Variants in C12orf42 observed in about 807,000 individuals in gnomAD.
C12orf42 encodes the protein chromosome 12 open reading frame 42.
In C12orf42, 25 loss-of-function variants were observed where a neutral mutation model predicts 21.6. The ratio of observed to expected loss-of-function variants is 1.16; its 90% confidence interval spans 0.84 to 1.62. The LOEUF is 1.62. C12orf42 is among the 40% of genes most tolerant of loss of function. The probability of loss-of-function intolerance (pLI) is 0.00; values close to 1 mark genes in which losing one functional copy is unlikely to be tolerated. For missense variants in C12orf42, 483 were observed against 459.3 expected (o/e 1.05, Z -0.47); for synonymous variants, 174 against 175.0 (o/e 0.99, Z 0.05).
chr12:103,188,692 C>A, the C12orf42 span, among the ~76,000 whole-genome samples: 81 of 152,104 alleles, frequency 5.3e-4, no homozygotes, highest in Non-Finnish European at 1.1e-3. Context: ...CTGGCACCTC[C>A]CCACCTCTCT....
chr12:103,376,971 G>A (rs900568098), intron 3 of C12orf42, among the ~76,000 whole-genome samples: 1 of 150,984 alleles, frequency 6.6e-6, no homozygotes, highest in African/African-American at 2.4e-5. Flanking sequence ...TACTTTCTAA[G>A]GGCTTCCTTT....
chr12:103,304,038 C>T (rs2038020190), intron 5 of C12orf42, among the ~76,000 whole-genome samples: 1 of 152,118 alleles, frequency 6.6e-6, no homozygotes, highest in African/African-American at 2.4e-5. Context: ...TAGAAATTTC[C>T]TTCCCTGAAA....
At chr12:103,077,397 G>A in the C12orf42 span, among the ~76,000 whole-genome samples, 1 of 152,218 alleles carries the variant, frequency 6.6e-6, no homozygotes, top group African/African-American at 2.4e-5. Context: ...TGAACTTAAT[G>A]TATGCCAGGC....
the C12orf42 span, among the ~76,000 whole-genome samples, chr12:103,166,353 T>C: frequency 1.3e-5 from 2 of 152,216 alleles, no homozygotes; most frequent in Non-Finnish European, 2.9e-5. Context: ...AAAAGTTAGC[T>C]ATTATTGTTA....
chr12:103,491,619 A>T (rs1955192571), intron 1 of C12orf42, among the ~76,000 whole-genome samples: 1 of 152,196 alleles, frequency 6.6e-6, no homozygotes, highest in South Asian at 2.1e-4. Context: ...CCTTGTTTCT[A>T]CATGGCAATC....
At chr12:103,178,178 C>A in the C12orf42 span, 2 of 152,162 alleles carry the variant, frequency 1.3e-5, no homozygotes, top group Non-Finnish European at 2.9e-5. Context: ...GCTGAAGATG[C>A]AGTATCTGCC....
chr12:103,187,019 A>G, the C12orf42 span, among the ~76,000 whole-genome samples: 1 of 152,190 alleles, frequency 6.6e-6, no homozygotes, highest in Non-Finnish European at 1.5e-5. Flanking sequence ...ACAATAAAAC[A>G]TTACATACTA....
At chr12:103,391,611 T>A (rs2047085231) in intron 3 of C12orf42, among the ~76,000 whole-genome samples, 1 of 151,926 alleles carries the variant, frequency 6.6e-6, no homozygotes, top group Non-Finnish European at 1.5e-5. Context: ...ATTGGGTTGG[T>A]CTTTTGTTGG....
chr12:103,195,698 T>C, the C12orf42 span, among the ~76,000 whole-genome samples: 2 of 152,144 alleles, frequency 1.3e-5, no homozygotes, highest in Non-Finnish European at 2.9e-5. Context: ...TTCTGTCAGA[T>C]GTATGGTTTG....
chr12:103,241,961 T>G (rs530403523), intron 10 of C12orf42, among the ~76,000 whole-genome samples: 31 of 152,324 alleles, frequency 2.0e-4, no homozygotes, highest in Non-Finnish European at 4.0e-4. Flanking sequence ...ATTTAGTGCC[T>G]ATACATTTAT....
chr12:103,304,447 T>G (rs531639717), intron 5 of C12orf42, among the ~76,000 whole-genome samples: 1 of 151,996 alleles, frequency 6.6e-6, no homozygotes, highest in East Asian at 1.9e-4. Flanking sequence ...AAGACCTAAG[T>G]AGGTGACATT....
the C12orf42 span, among the ~76,000 whole-genome samples, chr12:103,206,224 G>A: frequency 6.6e-6 from 1 of 152,208 alleles, no homozygotes; most frequent in Admixed American, 6.5e-5. Flanking sequence ...GCCACTGATG[G>A]AACCACTGTG....
chr12:103,156,361 G>A, the C12orf42 span, among the ~76,000 whole-genome samples: 17 of 152,154 alleles, frequency 1.1e-4, no homozygotes, highest in Non-Finnish European at 1.5e-4. Flanking sequence ...ATAAAGGTGG[G>A]GGCAGGGCTT....
intron 3 of C12orf42, among the ~76,000 whole-genome samples, chr12:103,390,769 A>C (rs1291163853): frequency 6.6e-6 from 1 of 152,212 alleles, no homozygotes; most frequent in Non-Finnish European, 1.5e-5. Flanking sequence ...CAAGCGCAAG[A>C]GATGACATCT....
chr12:103,074,286 G>A, the C12orf42 span, among the ~76,000 whole-genome samples: 9 of 152,156 alleles, frequency 5.9e-5, no homozygotes, highest in South Asian at 2.1e-4. Context: ...ATTTACAAAC[G>A]CTTATTTTTC....
At chr12:103,400,245 C>T (rs1309011906) in intron 3 of C12orf42, among the ~76,000 whole-genome samples, 2 of 152,178 alleles carry the variant, frequency 1.3e-5, no homozygotes, top group Non-Finnish European at 2.9e-5. Flanking sequence ...AAAGGAGTGG[C>T]ACCCAGGGGG....
At chr12:103,471,101 T>C (rs1195467753) in intron 2 of C12orf42, among the ~76,000 whole-genome samples, 1 of 152,242 alleles carries the variant, frequency 6.6e-6, no homozygotes, top group African/African-American at 2.4e-5. Flanking sequence ...CATGTCTCAC[T>C]GGATTACTCT....
intron 5 of C12orf42, among the ~76,000 whole-genome samples, chr12:103,305,105 A>T (rs2038137019): frequency 1.3e-5 from 2 of 152,198 alleles, no homozygotes; most frequent in African/African-American, 4.8e-5. Context: ...TGAGAAAAAA[A>T]CTCACAAATA....
chr12:103,143,608 T>C, the C12orf42 span, among the ~76,000 whole-genome samples: 197 of 152,330 alleles, frequency 1.3e-3, no homozygotes, highest in Admixed American at 2.5e-3. Flanking sequence ...CCTCAATCCA[T>C]TTATGTGAGA....
Sources: gnomAD v4.1 joint callset for allele counts (sites outside exome capture counted in the v4.1 genomes callset) on GRCh38, gnomAD v4.1.1 for gene constraint, MANE v1.5 for transcripts, NCBI Gene and HGNC (gene_info 2026-07-23, HGNC 2026-07-21) for gene names.